Variants in RBFOX1 observed in about 807,000 individuals in gnomAD.
RBFOX1 encodes RNA binding fox-1 homolog 1.
In RBFOX1, 8 loss-of-function variants were observed where a neutral mutation model predicts 57.7. That is an observed-to-expected ratio of 0.14 (90% confidence interval 0.08 to 0.25). RBFOX1 has a LOEUF of 0.25. Ranked by LOEUF, RBFOX1 falls within the 10% of genes least tolerant of loss-of-function variation. The pLI is 1.00. For synonymous variants in RBFOX1, 326 were observed against 222.4 expected (o/e 1.47, Z -4.15); for missense variants, 611 against 548.5 (o/e 1.11, Z -1.14).
rs1349255181 is a variant in RBFOX1 at position 6,819,506 on chromosome 16, C to T, written c.-16+164856C>T. ...ATCACCTGAGGTCGGGAGTTTGAGACCAGCCTGACCAGCATGGAGAAAACC... is the reference window on the plus strand; with the variant it reads ...ATCACCTGAGGTCGGGAGTTTGAGATCAGCCTGACCAGCATGGAGAAAACC... On this transcript the variant is annotated intron_variant, in intron 3 of 15. Transcript: ENST00000550418. Among the ~76,000 whole-genome samples the T allele has an allele frequency of 2.0e-5, 3 of 152,000 alleles. No individual in the cohort carries two copies. The East Asian group carries it at 5.8e-4, about 30-fold the overall frequency.
chr16:6,895,265 C>A (rs1039974399), intron 3 of RBFOX1, among the ~76,000 whole-genome samples: 133 of 151,512 alleles, frequency 8.8e-4, no homozygotes, highest in Admixed American at 3.0e-3. Context: ...CCCAGTGGTT[C>A]CTGATTCCCA....
intron 4 of RBFOX1, among the ~76,000 whole-genome samples, chr16:7,248,191 G>C (rs1449773056): frequency 1.3e-5 from 2 of 152,196 alleles, no homozygotes; most frequent in African/African-American, 4.8e-5. Context: ...GATATTACCA[G>C]CTCTCTGATA....
intron 1 of RBFOX1, among the ~76,000 whole-genome samples, chr16:5,294,603 C>T (rs1163422240): frequency 6.6e-6 from 1 of 152,144 alleles, no homozygotes; most frequent in East Asian, 1.9e-4. Context: ...GGGCCGAGGA[C>T]TGTACATATT....
intron 4 of RBFOX1, among the ~76,000 whole-genome samples, chr16:7,085,527 CCA>C (rs2059859061): frequency 6.6e-6 from 1 of 151,964 alleles, no homozygotes; most frequent in African/African-American, 2.4e-5. Context: ...CCGGGTGCCT[CCA>C]CAGAGATAGA....
intron 3 of RBFOX1, among the ~76,000 whole-genome samples, chr16:6,897,780 C>T (rs1052480714): frequency 2.0e-5 from 3 of 152,110 alleles, no homozygotes; most frequent in East Asian, 1.9e-4. Context: ...GATGACAGAG[C>T]GAGATTCCGT....
At chr16:7,504,407 G>A (rs190009183) in intron 4 of RBFOX1, among the ~76,000 whole-genome samples, 18 of 151,892 alleles carry the variant, frequency 1.2e-4, no homozygotes, top group Admixed American at 1.1e-3. Context: ...CAGGAACATG[G>A]TCTTGTGCCT....
intron 3 of RBFOX1, among the ~76,000 whole-genome samples, chr16:6,712,231 C>G (rs558945429): frequency 1.1e-3 from 160 of 152,270 alleles, no homozygotes; most frequent in African/African-American, 3.8e-3. Context: ...GGTTAAAACT[C>G]AAAATGGAAC....
chr16:6,586,037 AG>A (rs2097609306), intron 2 of RBFOX1, among the ~76,000 whole-genome samples: 1 of 152,236 alleles, frequency 6.6e-6, no homozygotes, highest in Non-Finnish European at 1.5e-5. Flanking sequence ...TGTATAGAAC[AG>A]GTACTAGCTG....
chr16:6,517,054 A>C (rs1260816283), intron 2 of RBFOX1, among the ~76,000 whole-genome samples: 1 of 152,286 alleles, frequency 6.6e-6, no homozygotes. Flanking sequence ...TTAGCCTCTC[A>C]TTCCAAATAT....
At chr16:6,685,008 G>T (rs890070488) in intron 3 of RBFOX1, among the ~76,000 whole-genome samples, 2 of 152,116 alleles carry the variant, frequency 1.3e-5, no homozygotes, top group South Asian at 2.1e-4. Context: ...GAAAATGGGG[G>T]CTCAGGAATA....
intron 2 of RBFOX1, among the ~76,000 whole-genome samples, chr16:6,317,920 C>G (rs997001257): frequency 5.3e-5 from 8 of 152,134 alleles, no homozygotes; most frequent in African/African-American, 1.4e-4. Context: ...TGCAGAATTT[C>G]TTAGCAGGTT....
intron 5 of RBFOX1, among the ~76,000 whole-genome samples, chr16:7,549,646 T>C (rs1159853112): frequency 1.3e-5 from 2 of 152,130 alleles, no homozygotes; most frequent in African/African-American, 4.8e-5. Flanking sequence ...GAGTCTGTTG[T>C]TCAAGGGCAG....
At chr16:7,505,753 G>T (rs1003955773) in intron 4 of RBFOX1, among the ~76,000 whole-genome samples, 3 of 152,184 alleles carry the variant, frequency 2.0e-5, no homozygotes, top group Non-Finnish European at 4.4e-5. Context: ...TCCTCTCTCT[G>T]TGCTTCCCTA....
intron 3 of RBFOX1, among the ~76,000 whole-genome samples, chr16:6,856,177 T>A (rs971215563): frequency 6.6e-6 from 1 of 151,696 alleles, no homozygotes; most frequent in Non-Finnish European, 1.5e-5. Flanking sequence ...TTCCTTCCCT[T>A]CTTCAAATGT....
chr16:6,456,560 A>G (rs146438632), intron 2 of RBFOX1, among the ~76,000 whole-genome samples: 26 of 152,194 alleles, frequency 1.7e-4, no homozygotes, highest in Admixed American at 1.7e-3. Flanking sequence ...CTTTAAGGAC[A>G]ATTGGGAACC....
Position 6,097,485 on chromosome 16 carries a change from T to C in RBFOX1, c.-127+77493T>C, listed in dbSNP as rs181239230. ...CATCCAAACCTACAGAAGCAGAATC[T>C]CTGGTGGCAGGAACCAGCAATCTGT... On this transcript the variant is annotated intron_variant, in intron 1 of 15. Transcript: ENST00000550418. This position sits in a 1 kb window ranked among gnomAD's most constrained non-coding sequence, Gnocchi z 5.0. Among the ~76,000 whole-genome samples the C allele has an allele frequency of 1.7e-4, 26 of 152,270 alleles. No individual in the cohort carries two copies. In the East Asian group the frequency reaches 5.0e-3, roughly 29 times the overall value.
intron 2 of RBFOX1, among the ~76,000 whole-genome samples, chr16:6,571,047 G>A (rs1241594039): frequency 6.6e-6 from 1 of 152,162 alleles, no homozygotes; most frequent in Non-Finnish European, 1.5e-5. Flanking sequence ...AGATGAGCAG[G>A]CATTGTGGAT....
chr16:7,529,148 C>A (rs753320717), intron 5 of RBFOX1, among the ~76,000 whole-genome samples: 1 of 152,162 alleles, frequency 6.6e-6, no homozygotes, highest in African/African-American at 2.4e-5. Context: ...GTCATCCCCA[C>A]TGCTCGGGAG....
intron 2 of RBFOX1, among the ~76,000 whole-genome samples, chr16:6,513,889 A>AG (rs1350996179): frequency 2.0e-5 from 3 of 152,142 alleles, no homozygotes; most frequent in Non-Finnish European, 4.4e-5. Context: ...CTGTCACCTG[A>AG]GGGGGCGTCA....
Sources: allele counts gnomAD v4.1 joint callset (sites outside exome capture counted in the v4.1 genomes callset), GRCh38; gene constraint gnomAD v4.1.1; non-coding constraint Gnocchi (gnomAD v3.1); transcripts MANE v1.5; gene names NCBI Gene and HGNC (gene_info 2026-07-23, HGNC 2026-07-21).